The following PCMTD1 variants were observed in gnomAD, a reference collection of about 807,000 sequenced individuals.
PCMTD1 encodes the protein protein-L-isoaspartate (D-aspartate) O-methyltransferase domain containing 1.
A neutral mutation model predicts 37.6 loss-of-function variants in PCMTD1; 12 were observed. That is an observed-to-expected ratio of 0.32 (90% confidence interval 0.20 to 0.52). PCMTD1 has a LOEUF of 0.52. Ranked by LOEUF, PCMTD1 falls within the 20% of genes least tolerant of loss-of-function variation. The pLI is 0.97. For missense variants in PCMTD1, 235 were observed against 421.3 expected (o/e 0.56, Z 3.87); for synonymous variants, 117 against 135.8 (o/e 0.86, Z 0.96).
intron 5 of PCMTD1, 103 bp downstream of exon 5, chr8:51,831,341 C>A (rs1236535044): frequency 2.6e-6 from 3 of 1,154,120 alleles, no homozygotes; most frequent in East Asian, 2.6e-5. Flanking sequence ...TATCTTACTG[C>A]ATAAGTATTT....
rs1285649485 is a variant in PCMTD1, at chr8:51,818,874, C to T, written c.*1477G>A. On this transcript the variant is annotated 3_prime_UTR_variant, in exon 6 of 6. Transcript: ENST00000522514. ...GAGAGATAATAATCCTTTCACTATA[C>T]ATTGCTTGGGCTTCCTTAACCAAAT... The T allele has an allele frequency of 1.3e-5, 2 of 152,312 alleles. No individual in the cohort carries two copies. The highest frequency in any genetic ancestry group is 4.8e-5 in the African/African-American group (2 of 41,482). 9.4% of individuals were successfully genotyped at this position (152,312 alleles called of 1,614,324 possible). A position where few individuals can be genotyped will look rare whatever the true frequency, so the allele number is the denominator to read the frequency against.
chr8:51,844,492 T>G (rs2038190545), intron 3 of PCMTD1, among the ~76,000 whole-genome samples: 1 of 152,148 alleles, frequency 6.6e-6, no homozygotes, highest in Non-Finnish European at 1.5e-5. Context: ...TTGCCTTCAC[T>G]GTTAAGTACT....
intron 3 of PCMTD1, among the ~76,000 whole-genome samples, chr8:51,835,570 G>C (rs1464721023): frequency 6.6e-6 from 1 of 151,972 alleles, no homozygotes; most frequent in African/African-American, 2.4e-5. Flanking sequence ...TTTCAGTATG[G>C]TCTATCTAAA....
chr8:51,888,372 T>C (rs888770040), intron 1 of PCMTD1, among the ~76,000 whole-genome samples: 4 of 152,114 alleles, frequency 2.6e-5, no homozygotes, highest in Non-Finnish European at 4.4e-5. Context: ...TTCAGGTAAA[T>C]GACTTTTGTG....
chr8:51,832,102 T>C (rs2038006277), intron 4 of PCMTD1, among the ~76,000 whole-genome samples: 1 of 152,192 alleles, frequency 6.6e-6, no homozygotes, highest in Non-Finnish European at 1.5e-5. Flanking sequence ...GAAAAAAATA[T>C]TAGCTCAATA....
intron 1 of PCMTD1, among the ~76,000 whole-genome samples, chr8:51,888,771 G>C (rs1404620071): frequency 6.6e-6 from 1 of 152,134 alleles, no homozygotes; most frequent in Non-Finnish European, 1.5e-5. Context: ...ACAAAGTAAT[G>C]AAAGTCTTTA....
At chr8:51,884,014 G>A (rs955251033) in intron 1 of PCMTD1, among the ~76,000 whole-genome samples, 1 of 152,122 alleles carries the variant, frequency 6.6e-6, no homozygotes, top group Admixed American at 6.5e-5. Flanking sequence ...TTGTTCAAGG[G>A]CATACTGAAA....
chr8:51,828,867 A>T (rs183160724), intron 5 of PCMTD1, among the ~76,000 whole-genome samples: 2 of 152,178 alleles, frequency 1.3e-5, no homozygotes, highest in African/African-American at 4.8e-5. Context: ...CCAGTTTTTG[A>T]CTAGACAGGA....
chr8:51,874,610 A>G (rs1585842296), intron 1 of PCMTD1, among the ~76,000 whole-genome samples: 2 of 38,248 alleles, frequency 5.2e-5, no homozygotes, highest in Middle Eastern at 0.014. Flanking sequence ...AACTGTAAAT[A>G]GCAGCCAAAC....
At chr8:51,893,886 A>G (rs1215685358) in intron 1 of PCMTD1, among the ~76,000 whole-genome samples, 2 of 152,226 alleles carry the variant, frequency 1.3e-5, no homozygotes, top group African/African-American at 4.8e-5. Context: ...ACCAGTGATC[A>G]TTTTCATACT....
chr8:51,834,253 A>G (rs1431561541), intron 3 of PCMTD1, among the ~76,000 whole-genome samples: 1 of 152,200 alleles, frequency 6.6e-6, no homozygotes, highest in Non-Finnish European at 1.5e-5. Flanking sequence ...GCTGAGGAAC[A>G]TCACTGAATG....
rs375487886 is a variant in PCMTD1 at position 51,844,295 on chromosome 8, C to T, written c.410+1366G>A. Among the ~76,000 whole-genome samples, 21 of 152,184 alleles carry T rather than the reference C, an allele frequency of 1.4e-4. No individual in the cohort carries two copies. The South Asian group carries it at 2.1e-3, about 15-fold the overall frequency. ...GAAAAACGAATCAAAATGTGCATTA[C>T]GTGTTGTTTATAAAGACAAGCATAA... On this transcript the variant is annotated intron_variant, in intron 3 of 5. Transcript: ENST00000522514.
At chr8:51,882,386 G>A (rs950706920) in intron 1 of PCMTD1, among the ~76,000 whole-genome samples, 4 of 152,224 alleles carry the variant, frequency 2.6e-5, no homozygotes, top group South Asian at 2.1e-4. Context: ...GGTAGGGGGC[G>A]GTCAGGGTTT....
rs545549028 is a variant in PCMTD1, at chr8:51,883,669, T to C, written c.-96+15261A>G. Among the ~76,000 whole-genome samples the C allele has an allele frequency of 3.9e-5, 6 of 152,314 alleles. No homozygotes were observed. In the East Asian group the frequency reaches 1.2e-3, roughly 29 times the overall value. On this transcript the variant is annotated intron_variant, in intron 1 of 5. Transcript: ENST00000522514. ...AACCAAGGTATGTGTATTTTCTAAA[T>C]CATTCCCTTGATGTACAGACCTAGG...
At chr8:51,831,041 T>C (rs2037990224) in intron 5 of PCMTD1, among the ~76,000 whole-genome samples, 1 of 151,736 alleles carries the variant, frequency 6.6e-6, no homozygotes, top group African/African-American at 2.4e-5. Flanking sequence ...CTCACGCCTA[T>C]AATCCCAGCA....
At chr8:51,821,115 A>G (rs879773519) in intron 5 of PCMTD1, among the ~76,000 whole-genome samples, 22 of 152,222 alleles carry the variant, frequency 1.4e-4, no homozygotes, top group Admixed American at 1.4e-3. Context: ...TCATAACAAC[A>G]GATGTGAGAT....
intron 1 of PCMTD1, among the ~76,000 whole-genome samples, chr8:51,889,023 T>C (rs1468914392): frequency 6.6e-6 from 1 of 152,220 alleles, no homozygotes. Context: ...CACACAACTA[T>C]GGTGGGTCTA....
rs796526258 is a variant in PCMTD1, at chr8:51,819,095, A to G, written c.*1256T>C. On this transcript the variant is annotated 3_prime_UTR_variant, in exon 6 of 6. Transcript: ENST00000522514. Reference sequence around the variant, plus strand: ...AGTTACTACCTGTTTTTTATCACTGATAAGCTAAAATAAAGCTCAAATATG... The same window carrying G: ...AGTTACTACCTGTTTTTTATCACTGGTAAGCTAAAATAAAGCTCAAATATG... 1.3e-5 allele frequency: 2 copies of G among 152,204 alleles called. No individual in the cohort carries two copies. Among genetic ancestry groups the G allele is most frequent in the Non-Finnish European group, 2.9e-5 (2 of 68,036 alleles). 9.4% of individuals were successfully genotyped at this position (152,204 alleles called of 1,614,324 possible).
intron 1 of PCMTD1, among the ~76,000 whole-genome samples, chr8:51,879,649 T>C (rs994687780): frequency 6.6e-6 from 1 of 152,054 alleles, no homozygotes; most frequent in Admixed American, 6.5e-5. Context: ...CAAAATAAAA[T>C]AACCAATAAA....
Sources: allele counts gnomAD v4.1 joint callset (sites outside exome capture counted in the v4.1 genomes callset), GRCh38; gene constraint gnomAD v4.1.1; transcripts MANE v1.5; gene names NCBI Gene and HGNC (gene_info 2026-07-23, HGNC 2026-07-21).